The following CD82 variants were observed in gnomAD, a reference collection of about 807,000 sequenced individuals.
CD82 encodes the protein CD82 antigen.
Under a neutral mutation model 37.4 loss-of-function variants are expected in CD82, and 36 were observed. That is an observed-to-expected ratio of 0.96 (90% confidence interval 0.74 to 1.27). The LOEUF (loss-of-function observed/expected upper bound fraction) is 1.27. Ranked by LOEUF, CD82 falls within the 50% of genes most tolerant of loss-of-function variation. The pLI is 0.00. For missense variants in CD82, 340 were observed against 347.0 expected, an observed-to-expected ratio of 0.98 and a Z score of 0.16; for synonymous variants, 158 against 137.4, an observed-to-expected ratio of 1.15 and a Z score of -1.05.
At chr11:44,576,167 C>A (rs187833398) in intron 1 of CD82, among the ~76,000 whole-genome samples, 5 of 152,326 alleles carry the variant, frequency 3.3e-5, no homozygotes, top group Admixed American at 3.3e-4. Flanking sequence ...TTGTTCTGGG[C>A]AGGTTTTCTA....
chr11:44,570,625 C>T lies in CD82; in HGVS notation c.-103+4889C>T, dbSNP rs570333361. Among the ~76,000 whole-genome samples the T allele has an allele frequency of 1.1e-4, 16 of 152,318 alleles. No individual in the cohort carries two copies. The South Asian group carries it at 2.7e-3, about 26-fold the overall frequency. On this transcript the variant is annotated intron_variant, in intron 1 of 9. Coordinates refer to ENST00000227155, the MANE Select transcript of CD82 (RefSeq NM_002231.4). ...CCTGGTGCTTCAGGCCTGTGGGCCGCACTTCTGCAACCTGGATCCAGGGAG... is the reference window on the plus strand; with the variant it reads ...CCTGGTGCTTCAGGCCTGTGGGCCGTACTTCTGCAACCTGGATCCAGGGAG...
At chr11:44,577,590 C>T (rs1475964374) in intron 1 of CD82, among the ~76,000 whole-genome samples, 1 of 152,190 alleles carries the variant, frequency 6.6e-6, no homozygotes, top group Middle Eastern at 3.2e-3. Flanking sequence ...TAGCCTCAGA[C>T]CTGTAACTCT....
At chr11:44,585,184 G>A (rs1437120312) in intron 1 of CD82, 3 of 456,042 alleles carry the variant, frequency 6.6e-6, no homozygotes, top group South Asian at 1.5e-5. Context: ...CTGGCACGGA[G>A]CCTCTCCAGG....
chr11:44,615,216 C>T (rs1853544365), intron 6 of CD82, 56 bp from the exon 7 acceptor site: 1 of 1,182,758 alleles, frequency 8.5e-7, no homozygotes, highest in Admixed American at 1.7e-5. Flanking sequence ...GGGGTGACCA[C>T]AGGTGGGCAC....
intron 1 of CD82, among the ~76,000 whole-genome samples, chr11:44,567,546 A>G (rs1319255746): frequency 6.6e-6 from 1 of 152,130 alleles, no homozygotes; most frequent in Non-Finnish European, 1.5e-5. Context: ...ATGGGACCAC[A>G]GTCTCTTCAA....
rs748555757 is a variant in CD82 at position 44,618,295 on chromosome 11, G to A, written c.572G>A (p.Gly191Asp). The A allele has an allele frequency of 1.9e-5, 30 of 1,613,952 alleles. No homozygotes were observed. Among genetic ancestry groups the A allele is most frequent in the Non-Finnish European group, 2.5e-5 (30 of 1,180,020 alleles). ...EEDNSLSVRK[G>D]FCEAPGNRTQ... The stretch of plus-strand genomic sequence containing the variant: ...GACAACAGCCTTTCTGTGAGGAAGG[G>A]CTTCTGCGAGGCCCCCGGCAACAGG... Residue 191 changes from glycine (G) to aspartate (D), a missense_variant, in exon 8 of 10, where the codon GGC (glycine) becomes GAC (aspartate). Gly to Asp is a moderately conservative substitution (Grantham distance 94). Transcript: ENST00000227155.
chr11:44,574,606 G>GT (rs1051539967), intron 1 of CD82, among the ~76,000 whole-genome samples: 5 of 151,998 alleles, frequency 3.3e-5, no homozygotes, highest in Non-Finnish European at 4.4e-5. Context: ...AAGAAAGAGG[G>GT]TTTTTTTTGT....
chr11:44,598,336 A>G (rs796171060), intron 3 of CD82, among the ~76,000 whole-genome samples: 9 of 149,808 alleles, frequency 6.0e-5, no homozygotes, highest in African/African-American at 2.0e-4. Flanking sequence ...CATTGATAAT[A>G]CTGATACTGT....
intron 1 of CD82, among the ~76,000 whole-genome samples, chr11:44,567,479 G>A (rs1376417492): frequency 6.6e-6 from 1 of 152,106 alleles, no homozygotes; most frequent in Non-Finnish European, 1.5e-5. Flanking sequence ...TGGAGGGGGT[G>A]AGACTTGAAT....
At chr11:44,588,372 C>A (rs776631028) in intron 2 of CD82, among the ~76,000 whole-genome samples, 1 of 151,952 alleles carries the variant, frequency 6.6e-6, no homozygotes, top group Non-Finnish European at 1.5e-5. Context: ...TGCAGGCACC[C>A]GCCACCATGC....
At chr11:44,566,412 C>T (rs1242182271) in intron 1 of CD82, 1 of 152,234 alleles carries the variant, frequency 6.6e-6, no homozygotes, top group African/African-American at 2.4e-5. Flanking sequence ...AAAACCCCAC[C>T]AATCCTTGGG....
chr11:44,600,231 G>C lies in CD82; in HGVS notation c.136+1G>C. 6.2e-7 allele frequency: 1 copy of C among 1,613,688 alleles called. No individual in the cohort carries two copies. ...AAGAGCAGTTTCATCTCTGTCCTGC[G>C]TAAGGACCCCTCAGCTTCCCCAGAC... On this transcript the variant is annotated splice_donor_variant, in intron 4 of 9. Transcript: ENST00000227155. LOFTEE classifies it high-confidence loss of function.
intron 4 of CD82, among the ~76,000 whole-genome samples, chr11:44,603,743 A>G (rs1853348290): frequency 6.6e-6 from 1 of 152,082 alleles, no homozygotes. Flanking sequence ...TGTCTTAGGA[A>G]ATGTTGGCCA....
At chr11:44,578,773 G>C (rs1204007246) in intron 1 of CD82, among the ~76,000 whole-genome samples, 2 of 152,220 alleles carry the variant, frequency 1.3e-5, no homozygotes, top group Non-Finnish European at 2.9e-5. Context: ...GGACCAGGGG[G>C]GATGGGGTCC....
upstream of CD82, chr11:44,564,563 G>A: frequency 2.2e-6 from 1 of 451,390 alleles, no homozygotes. Context: ...GACGCAGGGT[G>A]GGCACCGCAG....
upstream of CD82, chr11:44,565,597 C>T (rs1310346323): frequency 6.6e-6 from 1 of 152,236 alleles, no homozygotes; most frequent in Non-Finnish European, 1.5e-5. Flanking sequence ...GCGGGGCCTG[C>T]CGAGTCCGCG....
At chr11:44,603,675 T>C (rs1853347558) in intron 4 of CD82, among the ~76,000 whole-genome samples, 1 of 152,146 alleles carries the variant, frequency 6.6e-6, no homozygotes, top group African/African-American at 2.4e-5. Context: ...GGGGGTACAG[T>C]GTACCCATGC....
chr11:44,566,740 G>A (rs4365036), intron 1 of CD82, among the ~76,000 whole-genome samples: 39,029 of 152,132 alleles, frequency 0.26, 5,209 homozygotes, highest in Middle Eastern at 0.29. Context: ...CTCTGTGACA[G>A]CTGCTTTGAT....
At position 44,574,751 on chromosome 11, in the gene CD82, C is replaced by G. The variant is rs558744670; in HGVS notation, c.-103+9015C>G. ...CAAGATTGGGATTGTACCACACAAA[C>G]CACTTCCTGCACTGCCACTTTTGAC... On this transcript the variant is annotated intron_variant, in intron 1 of 9. Transcript: ENST00000227155. Among the ~76,000 whole-genome samples the G allele has an allele frequency of 1.8e-4, 28 of 152,276 alleles. No homozygotes were observed. In the Middle Eastern group the frequency reaches 0.01, roughly 55 times the overall value.
Sources: gnomAD v4.1 joint callset for allele counts (sites outside exome capture counted in the v4.1 genomes callset) on GRCh38, gnomAD v4.1.1 for gene constraint, MANE v1.5 for transcripts, NCBI Gene and HGNC (gene_info 2026-07-23, HGNC 2026-07-21) for gene names.